ARHGAP32: variants seen among roughly 807,000 people sequenced by gnomAD.
ARHGAP32 encodes rho GTPase-activating protein 32.
ARHGAP32 carries 51 observed loss-of-function variants against 186.5 expected under a neutral mutation model. The observed-to-expected ratio is 0.27, with a 90% CI of 0.22 to 0.35. The LOEUF (loss-of-function observed/expected upper bound fraction) is 0.35. Among genes scored for constraint, ARHGAP32 ranks in the 10% least tolerant of loss-of-function variants. The probability of loss-of-function intolerance (pLI) is 1.00; values close to 1 mark genes in which losing one functional copy is unlikely to be tolerated. For missense variants in ARHGAP32, 2,186 were observed against 2,623.5 expected (o/e 0.83, Z 3.64); for synonymous variants, 950 against 964.3 (o/e 0.99, Z 0.27).
chr11:129,172,067 G>A (rs139374596), intron 1 of ARHGAP32, among the ~76,000 whole-genome samples: 126 of 152,152 alleles, frequency 8.3e-4, no homozygotes, highest in African/African-American at 2.9e-3. Context: ...GGAGTTTTTG[G>A]GCTGAGATGA....
At chr11:129,009,328 A>AC (rs934457160) in intron 11 of ARHGAP32, among the ~76,000 whole-genome samples, 2 of 151,810 alleles carry the variant, frequency 1.3e-5, no homozygotes, top group Non-Finnish European at 2.9e-5. Context: ...CTGGAAAACA[A>AC]TTTTTTTTCT....
chr11:129,054,414 C>A (rs928396430), intron 10 of ARHGAP32, among the ~76,000 whole-genome samples: 1 of 152,150 alleles, frequency 6.6e-6, no homozygotes, highest in African/African-American at 2.4e-5. Context: ...ATCTGAAAAA[C>A]CTGTTAAAAT....
chr11:129,185,250 C>T (rs1944134919), intron 1 of ARHGAP32, among the ~76,000 whole-genome samples: 2 of 152,206 alleles, frequency 1.3e-5, no homozygotes, highest in Admixed American at 1.3e-4. Context: ...GGCACATATA[C>T]ACCACGGAAT....
At chr11:129,226,161 C>T (rs1034477494) in intron 1 of ARHGAP32, among the ~76,000 whole-genome samples, 14 of 152,074 alleles carry the variant, frequency 9.2e-5, no homozygotes, top group African/African-American at 3.4e-4. Context: ...TGTAGGACAC[C>T]ATCAAGCACA....
rs1945532461 is a variant in ARHGAP32, at chr11:128,976,031, T to C, written c.2194+532A>G. On this transcript the variant is annotated intron_variant, in intron 20 of 22. Transcript: ENST00000682385. ...GTTAGAGGTTGCAGTGATCCAAGAT[T>C]GCGCCACTGTACTCCAAACTGGGCA... 2.0e-5 allele frequency among the ~76,000 whole-genome samples: 3 copies of C among 151,820 alleles called. No individual in the cohort carries two copies. The South Asian group carries it at 6.2e-4, about 32-fold the overall frequency.
chr11:129,021,383 T>C (rs1276397406), intron 11 of ARHGAP32, among the ~76,000 whole-genome samples: 2 of 152,000 alleles, frequency 1.3e-5, no homozygotes, highest in Non-Finnish European at 2.9e-5. Context: ...AACTAAAATA[T>C]TGGGATATTT....
chr11:129,016,216 T>A (rs1215206229), intron 11 of ARHGAP32, among the ~76,000 whole-genome samples: 1 of 152,210 alleles, frequency 6.6e-6, no homozygotes, highest in Non-Finnish European at 1.5e-5. Flanking sequence ...CATTTTTCTA[T>A]TTTGTTGTCT....
At chr11:129,193,726 A>ATATAT (rs1555111394), upstream of ARHGAP32, among the ~76,000 whole-genome samples, 253 of 85,698 alleles carry the variant, frequency 3.0e-3, 3 homozygotes, top group East Asian at 0.029. Flanking sequence ...ATTATATATT[A>ATATAT]TATATAATAT....
intron 5 of ARHGAP32, among the ~76,000 whole-genome samples, chr11:129,097,384 TC>T (rs1162095097): frequency 1.3e-5 from 2 of 152,064 alleles, no homozygotes; most frequent in Admixed American, 6.5e-5. Context: ...CAAACAACTA[TC>T]TTAAAGATGT....
chr11:128,997,529 A>G (rs960919173), intron 12 of ARHGAP32, among the ~76,000 whole-genome samples: 2 of 152,210 alleles, frequency 1.3e-5, no homozygotes, highest in Admixed American at 1.3e-4. Context: ...ACTTAGCAAC[A>G]TCACAGGTAG....
In ARHGAP32 at chr11:129,235,900, AACACACAC is replaced by A. The variant is rs57291313; in HGVS notation, c.-5+43238_-5+43245del. The stretch of plus-strand genomic sequence containing the variant: ...TGCAAATGCCATTATGTCATTCATA[AACACACAC>A]ACACACACACACACACACACACACA... On this transcript the variant is annotated intron_variant, in intron 1 of 6. Coordinates refer to the ARHGAP32 transcript ENST00000525234. Among the ~76,000 whole-genome samples, 978 of 145,750 alleles carry A rather than the reference AACACACAC, an allele frequency of 6.7e-3. 11 individuals carry two copies. Among genetic ancestry groups the A allele is most frequent in the African/African-American group, 0.022 (871 of 38,868 alleles).
chr11:129,190,162 T>C (rs1393834004), intron 1 of ARHGAP32, among the ~76,000 whole-genome samples: 3 of 152,222 alleles, frequency 2.0e-5, no homozygotes, highest in African/African-American at 7.2e-5. Flanking sequence ...CTGAGTCTAC[T>C]ATTTGGTCCT....
At chr11:129,093,770 T>G in intron 5 of ARHGAP32, 63 bp from the exon 6 acceptor site, 1 of 1,108,358 alleles carries the variant, frequency 9.0e-7, no homozygotes, top group South Asian at 1.3e-5. Context: ...GAGAATAAAC[T>G]AAGCATTCAT....
chr11:129,053,155 T>C (rs1940125035), intron 10 of ARHGAP32, among the ~76,000 whole-genome samples: 1 of 152,136 alleles, frequency 6.6e-6, no homozygotes, highest in Admixed American at 6.6e-5. Context: ...AAGCCTCGGT[T>C]GGTAAGACAT....
At chr11:129,238,963 T>C (rs1196791124) in intron 1 of ARHGAP32, among the ~76,000 whole-genome samples, 5 of 151,976 alleles carry the variant, frequency 3.3e-5, no homozygotes, top group South Asian at 2.1e-4. Context: ...GCCTCCCCAA[T>C]AGCTGGGACT....
At chr11:129,048,498 C>T (rs983363404) in intron 10 of ARHGAP32, among the ~76,000 whole-genome samples, 3 of 150,898 alleles carry the variant, frequency 2.0e-5, no homozygotes, top group African/African-American at 7.3e-5. Flanking sequence ...TTTCATTAAG[C>T]CAAACAGAGA....
intron 2 of ARHGAP32, among the ~76,000 whole-genome samples, chr11:129,150,933 TAAAAA>T (rs1177863265): frequency 7.2e-6 from 1 of 139,320 alleles, no homozygotes; most frequent in Non-Finnish European, 1.6e-5. Flanking sequence ...CAGAATGAAT[TAAAAA>T]AAAAAAAAAA....
chr11:129,170,990 C>A (rs1308139134), intron 1 of ARHGAP32, among the ~76,000 whole-genome samples: 1 of 152,118 alleles, frequency 6.6e-6, no homozygotes, highest in African/African-American at 2.4e-5. Context: ...CTGTTCATAT[C>A]CTTTGCCAAC....
intron 2 of ARHGAP32, among the ~76,000 whole-genome samples, chr11:129,148,091 G>A (rs1198437607): frequency 6.6e-6 from 1 of 152,208 alleles, no homozygotes; most frequent in Non-Finnish European, 1.5e-5. Context: ...GATAGATGGT[G>A]GATAGCAGAC....
Sources: gnomAD v4.1 joint callset for allele counts (sites outside exome capture counted in the v4.1 genomes callset) on GRCh38, gnomAD v4.1.1 for gene constraint, MANE v1.5 for transcripts, NCBI Gene and HGNC (gene_info 2026-07-23, HGNC 2026-07-21) for gene names.